The following ANAPC10 variants were observed in gnomAD, a reference collection of about 807,000 sequenced individuals.
The protein encoded by ANAPC10 is anaphase promoting complex subunit 10.
A neutral mutation model predicts 22.0 loss-of-function variants in ANAPC10; 12 were observed. The ratio of observed to expected loss-of-function variants is 0.55; its 90% CI spans 0.35 to 0.88. ANAPC10 has a LOEUF of 0.88. Ranked by LOEUF, ANAPC10 falls within the 40% of genes least tolerant of loss-of-function variation. The pLI, the probability that ANAPC10 is intolerant of heterozygous loss-of-function variation, is 0.01. For synonymous variants in ANAPC10, 65 were observed against 69.5 expected (o/e 0.94, Z 0.32); for missense variants, 188 against 220.9 (o/e 0.85, Z 0.94).
intron 4 of ANAPC10, among the ~76,000 whole-genome samples, chr4:145,057,503 C>A (rs1175257567): frequency 6.6e-6 from 1 of 152,096 alleles, no homozygotes; most frequent in African/African-American, 2.4e-5. Flanking sequence ...ATATTGGCAT[C>A]TTCATGGTTC....
intron 4 of ANAPC10, among the ~76,000 whole-genome samples, chr4:145,056,125 A>G (rs1049985845): frequency 4.6e-5 from 7 of 152,206 alleles, no homozygotes; most frequent in Admixed American, 4.6e-4. Context: ...CTGCATTCCC[A>G]GACGGTTAAG....
chr4:145,075,776 A>G (rs1045307403), intron 3 of ANAPC10, among the ~76,000 whole-genome samples: 1 of 152,102 alleles, frequency 6.6e-6, no homozygotes, highest in African/African-American at 2.4e-5. Context: ...TGCTGCTTGG[A>G]GAGTTAGCAG....
intron 4 of ANAPC10, among the ~76,000 whole-genome samples, chr4:145,016,929 T>A (rs1387725877): frequency 5.3e-5 from 8 of 152,202 alleles, no homozygotes; most frequent in Non-Finnish European, 8.8e-5. Flanking sequence ...TGTAGAAAGC[T>A]GAAACTGGAT....
intron 4 of ANAPC10, among the ~76,000 whole-genome samples, chr4:145,026,977 A>ATT (rs1736815514): frequency 2.9e-5 from 1 of 34,422 alleles, no homozygotes; most frequent in African/African-American, 1.3e-4. Flanking sequence ...ATATATATAT[A>ATT]TATATATATA....
At chr4:145,028,745 G>C (rs1453548835) in intron 4 of ANAPC10, among the ~76,000 whole-genome samples, 3 of 152,152 alleles carry the variant, frequency 2.0e-5, no homozygotes, top group Non-Finnish European at 4.4e-5. Context: ...CACCACTCTT[G>C]AGCGGCAAGG....
intron 2 of ANAPC10, among the ~76,000 whole-genome samples, chr4:145,084,888 A>G (rs1746633400): frequency 6.6e-6 from 1 of 152,322 alleles, no homozygotes; most frequent in Non-Finnish European, 1.5e-5. Flanking sequence ...TATTACAATT[A>G]ATTTCACCTA....
chr4:145,021,061 T>C (rs554257745), intron 4 of ANAPC10, among the ~76,000 whole-genome samples: 17 of 151,674 alleles, frequency 1.1e-4, no homozygotes, highest in African/African-American at 3.9e-4. Context: ...CCCATGTTCA[T>C]GGAATGGTAG....
intron 4 of ANAPC10, among the ~76,000 whole-genome samples, chr4:145,044,352 A>G (rs1232401794): frequency 6.6e-6 from 1 of 152,132 alleles, no homozygotes; most frequent in Admixed American, 6.6e-5. Context: ...ATTTAAAGAC[A>G]GTACTTTTTA....
chr4:145,087,038 G>A (rs1747005172), intron 2 of ANAPC10, among the ~76,000 whole-genome samples: 1 of 151,794 alleles, frequency 6.6e-6, no homozygotes, highest in African/African-American at 2.4e-5. Flanking sequence ...GGCGGTAAAT[G>A]TGCTTGCAAA....
At chr4:145,026,957 G>GTA (rs1578954678) in intron 4 of ANAPC10, among the ~76,000 whole-genome samples, 22 of 18,348 alleles carry the variant, frequency 1.2e-3, no homozygotes, top group African/African-American at 6.1e-3. Context: ...GTGTGTGTGT[G>GTA]TATATATATA....
intron 4 of ANAPC10, among the ~76,000 whole-genome samples, chr4:145,056,110 C>T (rs1742030930): frequency 6.6e-6 from 1 of 152,150 alleles, no homozygotes. Flanking sequence ...CTGAGATTTA[C>T]TGGGCTGCAT....
intron 2 of ANAPC10, among the ~76,000 whole-genome samples, chr4:145,095,509 T>C: frequency 6.6e-6 from 1 of 152,218 alleles, no homozygotes; most frequent in South Asian, 2.1e-4. Flanking sequence ...CGTGGCTTGA[T>C]GATCCAGAAT....
At chr4:145,011,372 A>AAAATAAAATG (rs1553963500) in intron 4 of ANAPC10, among the ~76,000 whole-genome samples, 2 of 151,046 alleles carry the variant, frequency 1.3e-5, no homozygotes, top group African/African-American at 4.9e-5. Context: ...AAAATAAAAT[A>AAAATAAAATG]AAATAAAATA....
chr4:145,060,883 G>A (rs1299048535), intron 4 of ANAPC10, among the ~76,000 whole-genome samples: 1 of 151,920 alleles, frequency 6.6e-6, no homozygotes, highest in Non-Finnish European at 1.5e-5. Flanking sequence ...AGTGCTATCA[G>A]GCTCCTATTT....
At chr4:145,075,481 G>A (rs554663831) in intron 3 of ANAPC10, among the ~76,000 whole-genome samples, 7 of 151,984 alleles carry the variant, frequency 4.6e-5, no homozygotes, top group East Asian at 1.9e-4. Flanking sequence ...TTCATTCACC[G>A]AGAAACCAGA....
At chr4:145,090,850 G>A (rs559251951) in intron 2 of ANAPC10, among the ~76,000 whole-genome samples, 28 of 152,264 alleles carry the variant, frequency 1.8e-4, no homozygotes, top group Non-Finnish European at 3.5e-4. Context: ...AAATTGTGAA[G>A]TCCTTGACAG....
chr4:145,026,050 T>A lies in ANAPC10; in HGVS notation c.328-30447A>T, dbSNP rs188309266. On this transcript the variant is annotated intron_variant, in intron 4 of 4. Coordinates refer to ENST00000507656, the MANE Select transcript of ANAPC10 (RefSeq NM_001256706.2). ...TACAACTGGACATTTAACAGTAAAA[T>A]CTCACCTCCCTTCCTCTTGCTCAGC... Among the ~76,000 whole-genome samples, 6 of 152,218 alleles carry A rather than the reference T, an allele frequency of 3.9e-5. No homozygotes were observed. In the East Asian group the frequency reaches 1.2e-3, roughly 29 times the overall value.
At chr4:145,080,070 C>A (rs914526082) in intron 3 of ANAPC10, among the ~76,000 whole-genome samples, 2 of 144,662 alleles carry the variant, frequency 1.4e-5, no homozygotes, top group Non-Finnish European at 3.0e-5. Flanking sequence ...ACAGAGATCA[C>A]GCCACTGCGC....
Position 145,085,254 on chromosome 4 carries a change from C to CA in ANAPC10, c.116-3505dup, listed in dbSNP as rs201990708. Among the ~76,000 whole-genome samples the CA allele has an allele frequency of 7.8e-3, 1,185 of 151,562 alleles. 17 individuals carry two copies. Among genetic ancestry groups the CA allele is most frequent in the African/African-American group, 0.026 (1,092 of 41,340 alleles). ...CCTGGGCAACAGTGCGAGAAACGGA[C>CA]AAAAAAATAAAAATAAAAATAAAAA... On this transcript the variant is annotated intron_variant, in intron 2 of 4. Coordinates refer to ENST00000507656, the MANE Select transcript of ANAPC10 (RefSeq NM_001256706.2).
Sources: gnomAD v4.1 joint callset for allele counts (sites outside exome capture counted in the v4.1 genomes callset) on GRCh38, gnomAD v4.1.1 for gene constraint, MANE v1.5 for transcripts, NCBI Gene and HGNC (gene_info 2026-07-23, HGNC 2026-07-21) for gene names.